Variants in DOCK3 observed in about 807,000 individuals in gnomAD.
The protein encoded by DOCK3 is dedicator of cytokinesis protein 3.
Under a neutral mutation model 265.6 loss-of-function variants are expected in DOCK3, and 60 were observed. The observed-to-expected ratio is 0.23, with a 90% CI of 0.18 to 0.28. The LOEUF (loss-of-function observed/expected upper bound fraction) is 0.28, where lower values mean the gene tolerates loss of function less well. DOCK3 is among the 10% of genes least tolerant of loss of function. DOCK3 has a pLI of 1.00. For synonymous variants in DOCK3, 881 were observed against 938.0 expected (o/e 0.94, Z 1.11); for missense variants, 1,981 against 2,594.3 (o/e 0.76, Z 5.14).
intron 3 of DOCK3, among the ~76,000 whole-genome samples, chr3:50,875,484 C>A (rs1229854575): frequency 6.6e-6 from 1 of 151,992 alleles, no homozygotes; most frequent in East Asian, 1.9e-4. Flanking sequence ...CTTCCATACC[C>A]AGTTTGTTTA....
At chr3:51,305,330 A>G (rs907385711) in intron 27 of DOCK3, among the ~76,000 whole-genome samples, 4 of 152,162 alleles carry the variant, frequency 2.6e-5, no homozygotes, top group African/African-American at 9.7e-5. Flanking sequence ...CTCTAACAAA[A>G]ATTTTTGTCT....
chr3:50,767,122 A>G (rs1368159185), intron 1 of DOCK3, among the ~76,000 whole-genome samples: 2 of 152,074 alleles, frequency 1.3e-5, no homozygotes, highest in Admixed American at 1.3e-4. Flanking sequence ...CTTTAGTTTA[A>G]TTAGATCCCA....
In DOCK3 at chr3:51,270,865, G is replaced by A; in HGVS notation, c.2406G>A (p.Met802Ile). 1 of 1,614,008 alleles carries A rather than the reference G, an allele frequency of 6.2e-7. No individual in the cohort carries two copies. Reference protein sequence around the residue: ...FPTIFDELLQMFTVQEVAEFV... With the variant: ...FPTIFDELLQIFTVQEVAEFV... ...CCATCTTTGATGAGCTTCTGCAAAT[G>A]TTCACCGTGCAAGAGGTGGCAGAGT... is the stretch of plus-strand genomic sequence containing the variant. Residue 802 changes from methionine to isoleucine, a missense_variant, in exon 24 of 53, where the codon ATG (methionine) becomes ATA (isoleucine). Met to Ile is a conservative substitution (Grantham distance 10). Around this residue, in one of 4 missense-constraint regions of DOCK3, gnomAD observed 1,357 missense variants for 1,866.8 expected, o/e 0.73. Transcript: ENST00000266037.
intron 12 of DOCK3, among the ~76,000 whole-genome samples, chr3:51,207,371 G>T (rs1292255610): frequency 6.6e-6 from 1 of 152,174 alleles, no homozygotes; most frequent in African/African-American, 2.4e-5. Flanking sequence ...ACCCCATTCA[G>T]TAGGGGAGGT....
chr3:51,046,570 T>C (rs984207940), intron 5 of DOCK3, among the ~76,000 whole-genome samples: 5 of 152,200 alleles, frequency 3.3e-5, no homozygotes, highest in Admixed American at 1.3e-4. Context: ...GCACTCATCA[T>C]GATACCTAAA....
At chr3:50,829,392 T>A (rs548659716) in intron 2 of DOCK3, among the ~76,000 whole-genome samples, 1 of 152,334 alleles carries the variant, frequency 6.6e-6, no homozygotes, top group Non-Finnish European at 1.5e-5. Flanking sequence ...TTTCTTGGAA[T>A]CCTGTATGCC....
chr3:51,172,518 G>A (rs1053918461), intron 12 of DOCK3, among the ~76,000 whole-genome samples: 3 of 152,194 alleles, frequency 2.0e-5, no homozygotes, highest in Admixed American at 2.0e-4. Context: ...GCTAAGGTGA[G>A]TCTCTTATAG....
At chr3:51,130,088 A>G (rs756909096) in intron 9 of DOCK3, among the ~76,000 whole-genome samples, 16 of 152,172 alleles carry the variant, frequency 1.1e-4, no homozygotes. Flanking sequence ...GCCCCACACC[A>G]CTGGACTCCT....
chr3:50,919,703 CA>C (rs1380239817), intron 4 of DOCK3, among the ~76,000 whole-genome samples: 6 of 152,138 alleles, frequency 3.9e-5, no homozygotes, highest in African/African-American at 1.4e-4. Context: ...CAGACAGGGA[CA>C]ATTTGACTTC....
At chr3:51,053,720 T>A (rs1442481565) in intron 5 of DOCK3, among the ~76,000 whole-genome samples, 1 of 152,130 alleles carries the variant, frequency 6.6e-6, no homozygotes, top group Non-Finnish European at 1.5e-5. Context: ...CATGCTGGGC[T>A]GTATCACCAT....
chr3:50,845,391 G>T (rs542597960), intron 3 of DOCK3, among the ~76,000 whole-genome samples: 28 of 152,234 alleles, frequency 1.8e-4, no homozygotes, highest in African/African-American at 6.0e-4. Context: ...GTGATTTCAG[G>T]ATCAGCTTTT....
chr3:51,297,701 G>A (rs1237577105), intron 27 of DOCK3, among the ~76,000 whole-genome samples: 1 of 152,086 alleles, frequency 6.6e-6, no homozygotes, highest in Non-Finnish European at 1.5e-5. Context: ...CACTTTGGGA[G>A]GTCAAGTCAG....
chr3:51,302,517 T>C (rs1210511701), intron 27 of DOCK3, among the ~76,000 whole-genome samples: 1 of 152,186 alleles, frequency 6.6e-6, no homozygotes, highest in Non-Finnish European at 1.5e-5. Flanking sequence ...TGCTTCATAG[T>C]GTCATTGGCC....
chr3:50,834,421 A>G (rs1264729447), intron 2 of DOCK3, among the ~76,000 whole-genome samples: 1 of 152,138 alleles, frequency 6.6e-6, no homozygotes, highest in Non-Finnish European at 1.5e-5. Context: ...AACACACACT[A>G]AATCATATCA....
At chr3:51,066,108 A>G (rs530992272) in intron 6 of DOCK3, among the ~76,000 whole-genome samples, 1 of 152,324 alleles carries the variant, frequency 6.6e-6, no homozygotes, top group Non-Finnish European at 1.5e-5. Flanking sequence ...TGTAATCCCT[A>G]GGAAAATAAG....
chr3:51,228,825 C>T lies in DOCK3; in HGVS notation c.1812C>T (p.Thr604=), dbSNP rs1199294641. The change falls in exon 18 of 53, where the codon ACC becomes ACT. Residue 604 remains threonine (T), a synonymous_variant. Transcript: ENST00000266037. ...ISTQLSSTKL[T]QNVDLLALLK... ...CTCAGCTCTCCTCTACCAAACTCAC[C>T]CAGAATGGTAGGTGATAATGCCTGC... 1 of 1,613,658 alleles carries T rather than the reference C, an allele frequency of 6.2e-7. No individual in the cohort carries two copies. The highest frequency in any genetic ancestry group is 8.5e-7 in the Non-Finnish European group (1 of 1,179,778).
chr3:51,257,076 A>G (rs1364087194), intron 22 of DOCK3, among the ~76,000 whole-genome samples: 4 of 152,368 alleles, frequency 2.6e-5, no homozygotes, highest in East Asian at 1.9e-4. Context: ...ATTCTGGGAA[A>G]GATAAGGTTT....
chr3:51,347,665 A>G (rs1366642562), intron 38 of DOCK3, among the ~76,000 whole-genome samples: 3 of 152,134 alleles, frequency 2.0e-5, no homozygotes, highest in Non-Finnish European at 2.9e-5. Context: ...GTTTTTTCCA[A>G]TTCTGTGAAG....
chr3:50,907,691 T>C (rs551711174), intron 4 of DOCK3, among the ~76,000 whole-genome samples: 2 of 152,214 alleles, frequency 1.3e-5, no homozygotes, highest in African/African-American at 4.8e-5. Context: ...CACTGATGGG[T>C]CTTGACTCTA....
Sources: gnomAD v4.1 joint callset for allele counts (sites outside exome capture counted in the v4.1 genomes callset) on GRCh38, gnomAD v4.1.1 for gene constraint, gnomAD v4.1.1 regional missense constraint, MANE v1.5 for transcripts, NCBI Gene and HGNC (gene_info 2026-07-23, HGNC 2026-07-21) for gene names.